The following EPHB1 variants were observed in gnomAD, a reference collection of about 807,000 sequenced individuals.
The protein encoded by EPHB1 is ephrin type-B receptor 1.
In EPHB1, 30 loss-of-function variants were observed where a neutral mutation model predicts 94.4. That is an observed-to-expected ratio of 0.32 (90% confidence interval 0.24 to 0.43). The LOEUF (loss-of-function observed/expected upper bound fraction) is 0.43, where lower values mean the gene tolerates loss of function less well. Ranked by LOEUF, EPHB1 falls within the 20% of genes least tolerant of loss-of-function variation. The pLI, the probability that EPHB1 is intolerant of heterozygous loss-of-function variation, is 1.00. For synonymous variants in EPHB1, 522 were observed against 489.1 expected, an observed-to-expected ratio of 1.07 and a Z score of -0.89; for missense variants, 1,055 against 1,308.3, an observed-to-expected ratio of 0.81 and a Z score of 2.99.
intron 5 of EPHB1, among the ~76,000 whole-genome samples, chr3:135,142,629 A>G (rs1940865892): frequency 6.6e-6 from 1 of 152,220 alleles, no homozygotes; most frequent in South Asian, 2.1e-4. Context: ...GGTTGTGGTG[A>G]GGAAGCAGAA....
chr3:135,107,264 T>C (rs1263925771), intron 4 of EPHB1, among the ~76,000 whole-genome samples: 1 of 152,176 alleles, frequency 6.6e-6, no homozygotes, highest in African/African-American at 2.4e-5. Context: ...TTATATAATA[T>C]AGAGGGAAGA....
intron 3 of EPHB1, among the ~76,000 whole-genome samples, chr3:135,031,474 G>A (rs1000731003): frequency 6.6e-6 from 1 of 151,978 alleles, no homozygotes; most frequent in Non-Finnish European, 1.5e-5. Flanking sequence ...CATGCCTGGC[G>A]AATTTTTGTA....
intron 5 of EPHB1, among the ~76,000 whole-genome samples, chr3:135,143,128 G>A (rs1003357207): frequency 4.6e-5 from 7 of 151,786 alleles, no homozygotes; most frequent in African/African-American, 7.3e-5. Flanking sequence ...GAAGGAGGTG[G>A]GTACAGGGGA....
At chr3:135,248,802 T>C (rs1426735037) in intron 14 of EPHB1, among the ~76,000 whole-genome samples, 1 of 152,084 alleles carries the variant, frequency 6.6e-6, no homozygotes, top group East Asian at 1.9e-4. Flanking sequence ...GACATGGATA[T>C]TGAGGGTGAG....
intron 13 of EPHB1, among the ~76,000 whole-genome samples, chr3:135,245,513 CAAAAAAAAAA>C (rs57521935): frequency 4.0e-5 from 5 of 124,046 alleles, no homozygotes; most frequent in African/African-American, 1.4e-4. Flanking sequence ...GAACAGTCTT[CAAAAAAAAAA>C]AAAAAAAAAA....
intron 3 of EPHB1, among the ~76,000 whole-genome samples, chr3:135,014,169 C>T (rs1206405483): frequency 1.3e-5 from 2 of 152,162 alleles, no homozygotes; most frequent in African/African-American, 4.8e-5. Context: ...TACCTGGATG[C>T]TCCTGACTCG....
chr3:135,061,122 A>G (rs766327416), intron 3 of EPHB1, among the ~76,000 whole-genome samples: 20 of 152,062 alleles, frequency 1.3e-4, no homozygotes, highest in Non-Finnish European at 2.8e-4. Context: ...AAATGATTGG[A>G]TCTCATTTAA....
chr3:134,970,436 A>T (rs1171067620), intron 3 of EPHB1, among the ~76,000 whole-genome samples: 1 of 152,156 alleles, frequency 6.6e-6, no homozygotes. Context: ...CACTGCTCCC[A>T]GTGTGAATCA....
rs907475600 is a variant in EPHB1, at chr3:134,963,849, A to T, written c.805+11797A>T. 2.0e-5 allele frequency among the ~76,000 whole-genome samples: 3 copies of T among 152,216 alleles called. No individual in the cohort carries two copies. The East Asian group carries it at 5.8e-4, about 29-fold the overall frequency. On this transcript the variant is annotated intron_variant, in intron 3 of 15. Transcript: ENST00000398015. ...CACAAAGAAAAGTCATCAGAATTTG[A>T]TCTACATTTGGGGACTTCACGGATA...
intron 12 of EPHB1, among the ~76,000 whole-genome samples, chr3:135,240,605 G>A (rs888196157): frequency 2.0e-5 from 3 of 152,196 alleles, no homozygotes; most frequent in African/African-American, 7.2e-5. Flanking sequence ...ATGCTACAGA[G>A]TTAGGGAAAC....
chr3:135,049,470 T>C (rs1263320573), intron 3 of EPHB1, among the ~76,000 whole-genome samples: 1 of 152,172 alleles, frequency 6.6e-6, no homozygotes, highest in African/African-American at 2.4e-5. Flanking sequence ...GGGCTATCTT[T>C]CAGAATACCT....
intron 3 of EPHB1, among the ~76,000 whole-genome samples, chr3:135,010,156 A>G (rs1935570190): frequency 6.6e-6 from 1 of 152,242 alleles, no homozygotes; most frequent in South Asian, 2.1e-4. Context: ...AAAAATTGCT[A>G]AAGTTCAAAA....
intron 3 of EPHB1, among the ~76,000 whole-genome samples, chr3:135,100,980 G>A (rs1177662554): frequency 6.6e-6 from 1 of 152,128 alleles, no homozygotes; most frequent in Admixed American, 6.5e-5. Context: ...CCATCAAAAA[G>A]CCTCGGCTAT....
chr3:134,877,805 G>A (rs2037647135), intron 1 of EPHB1, among the ~76,000 whole-genome samples: 1 of 152,156 alleles, frequency 6.6e-6, no homozygotes, highest in African/African-American at 2.4e-5. Flanking sequence ...ATAACCTGGA[G>A]GGCCTGGGGA....
intron 1 of EPHB1, among the ~76,000 whole-genome samples, chr3:134,824,679 A>T (rs1401360587): frequency 1.3e-5 from 2 of 152,206 alleles, no homozygotes; most frequent in African/African-American, 4.8e-5. Flanking sequence ...AAGCTAGGTC[A>T]GAAGCAGCCT....
At chr3:135,243,471 G>A (rs1263554068) in intron 13 of EPHB1, among the ~76,000 whole-genome samples, 3 of 152,200 alleles carry the variant, frequency 2.0e-5, no homozygotes, top group Non-Finnish European at 2.9e-5. Context: ...CATCTGTAGA[G>A]TAGCAGTTTA....
intron 3 of EPHB1, among the ~76,000 whole-genome samples, chr3:134,969,085 A>G (rs1933872181): frequency 2.6e-5 from 4 of 152,196 alleles, no homozygotes; most frequent in Admixed American, 2.0e-4. Context: ...TTTAACTGCT[A>G]GATCAGTTTT....
At chr3:134,942,221 C>T (rs1436725176) in intron 2 of EPHB1, among the ~76,000 whole-genome samples, 1 of 152,168 alleles carries the variant, frequency 6.6e-6, no homozygotes, top group East Asian at 1.9e-4. Flanking sequence ...GGGCTTGGCA[C>T]TGGGAATATG....
Position 135,192,677 on chromosome 3 carries a change from C to A in EPHB1, c.1984C>A (p.Arg662Ser). 1 of 1,614,170 alleles carries A rather than the reference C, an allele frequency of 6.2e-7. No individual in the cohort carries two copies. The highest frequency in any genetic ancestry group is 8.5e-7 in the Non-Finnish European group (1 of 1,180,036). Residue 662 changes from arginine (R) to serine (S), a missense_variant, in exon 11 of 16, where the codon CGT becomes AGT. Arg to Ser is a moderately radical substitution (Grantham distance 110). Transcript: ENST00000398015. The stretch of plus-strand genomic sequence containing the variant: ...GAAGGCAGGGTACTCGGAGAAGCAG[C>A]GTCGGGACTTTCTGAGTGAGGCGAG... ...TLKAGYSEKQ[R>S]RDFLSEASIM... is the part of the protein sequence containing the mutation.
Sources: gnomAD v4.1 joint callset for allele counts (sites outside exome capture counted in the v4.1 genomes callset) on GRCh38, gnomAD v4.1.1 for gene constraint, MANE v1.5 for transcripts, NCBI Gene and HGNC (gene_info 2026-07-23, HGNC 2026-07-21) for gene names.